Variants in SPATA16 observed in about 807,000 individuals in gnomAD.
SPATA16 encodes the protein spermatogenesis associated 16.
In SPATA16, 36 loss-of-function variants were observed where a neutral mutation model predicts 63.3. That is an observed-to-expected ratio of 0.57 (90% CI 0.44 to 0.75). The LOEUF is 0.75. Among genes scored for constraint, SPATA16 ranks in the 30% least tolerant of loss-of-function variants. SPATA16 has a pLI of 0.00. For synonymous variants in SPATA16, 203 were observed against 216.7 expected (o/e 0.94, Z 0.56); for missense variants, 646 against 679.3 (o/e 0.95, Z 0.54).
In SPATA16 at chr3:172,963,476, A is replaced by T. The variant is rs1577109131; in HGVS notation, c.934-6652T>A. Among the ~76,000 whole-genome samples, 4 of 151,972 alleles carry T rather than the reference A, an allele frequency of 2.6e-5. No individual in the cohort carries two copies. The South Asian group carries it at 8.3e-4, about 32-fold the overall frequency. On this transcript the variant is annotated intron_variant, in intron 5 of 10. Coordinates refer to ENST00000351008, the MANE Select transcript of SPATA16 (RefSeq NM_031955.6). ...ATATAATATTAAATTTAAAGTATTT[A>T]ATTTAGTTTTGTAGTGTGTTACTGC...
chr3:172,947,476 G>GAAACACCTCTCCAT (rs1174773296), intron 6 of SPATA16, among the ~76,000 whole-genome samples: 2 of 152,194 alleles, frequency 1.3e-5, no homozygotes, highest in East Asian at 3.9e-4. Context: ...TACCTTTCCA[G>GAAACACCTCTCCAT]AAACACCTCT....
intron 4 of SPATA16, among the ~76,000 whole-genome samples, chr3:173,016,140 G>A (rs1184386962): frequency 6.6e-6 from 1 of 152,108 alleles, no homozygotes; most frequent in Non-Finnish European, 1.5e-5. Context: ...AATGTGACTA[G>A]CATCCCTGCA....
At chr3:173,009,033 T>C (rs1735001618) in intron 4 of SPATA16, among the ~76,000 whole-genome samples, 1 of 152,200 alleles carries the variant, frequency 6.6e-6, no homozygotes, top group Non-Finnish European at 1.5e-5. Flanking sequence ...GTAAATTGAT[T>C]CTACTGAACT....
At chr3:172,944,143 G>A (rs9290456) in intron 6 of SPATA16, among the ~76,000 whole-genome samples, 13,334 of 152,056 alleles carry the variant, frequency 0.088, 1,950 homozygotes, top group African/African-American at 0.3. Context: ...AATACATAAA[G>A]AACCCCTACA....
At chr3:172,940,427 T>C (rs1733118409) in intron 6 of SPATA16, among the ~76,000 whole-genome samples, 1 of 152,170 alleles carries the variant, frequency 6.6e-6, no homozygotes, top group Admixed American at 6.5e-5. Flanking sequence ...TTTGAGAAAA[T>C]ATCCCAGAGA....
rs561259525 is a variant in SPATA16, at chr3:173,051,170, A to G, written c.613-2076T>C. ...ATGTAGTTTTATTTATCCATATCTTATATTAACATTCCAGATCTTCTCAAT... is the reference window on the plus strand; with the variant it reads ...ATGTAGTTTTATTTATCCATATCTTGTATTAACATTCCAGATCTTCTCAAT... On this transcript the variant is annotated intron_variant, in intron 2 of 10. Coordinates refer to ENST00000351008, the MANE Select transcript of SPATA16 (RefSeq NM_031955.6). 2.0e-5 allele frequency among the ~76,000 whole-genome samples: 3 copies of G among 152,280 alleles called. No individual in the cohort carries two copies. In the South Asian group the frequency reaches 6.2e-4, roughly 32 times the overall value.
At chr3:172,972,847 G>T (rs1229510700) in intron 5 of SPATA16, among the ~76,000 whole-genome samples, 1 of 152,118 alleles carries the variant, frequency 6.6e-6, no homozygotes, top group Non-Finnish European at 1.5e-5. Flanking sequence ...TTTTTGTTCA[G>T]ACAGCCTTAA....
chr3:173,069,134 A>G (rs1560113076), intron 2 of SPATA16, among the ~76,000 whole-genome samples: 2 of 151,622 alleles, frequency 1.3e-5, no homozygotes, highest in African/African-American at 2.4e-5. Flanking sequence ...AAAGAAAGAA[A>G]GAAATACAGT....
In SPATA16 at chr3:172,977,113, C is replaced by T. The variant is rs150581488; in HGVS notation, c.849-61G>A. The T allele has an allele frequency of 5.1e-4, 674 of 1,318,360 alleles. 5 individuals are homozygous for T. The East Asian group carries it at 0.014, about 28-fold the overall frequency. 81.7% of individuals were successfully genotyped at this position (1,318,360 alleles called of 1,614,324 possible). A position where few individuals can be genotyped will look rare whatever the true frequency, so the allele number is the denominator to read the frequency against. ...CAAATGTATAGGACAGAAGGAAAAC[C>T]ATAACAGGCACTATATACAAATACT... On this transcript the variant is annotated intron_variant, in intron 4 of 10. Transcript: ENST00000351008.
At chr3:172,972,869 A>G (rs1283298083) in intron 5 of SPATA16, among the ~76,000 whole-genome samples, 2 of 152,182 alleles carry the variant, frequency 1.3e-5, no homozygotes, top group Admixed American at 1.3e-4. Flanking sequence ...ATGGAAACAA[A>G]TTGCCGACAT....
At chr3:173,000,044 C>T (rs1393110352) in intron 4 of SPATA16, among the ~76,000 whole-genome samples, 1 of 152,122 alleles carries the variant, frequency 6.6e-6, no homozygotes, top group East Asian at 1.9e-4. Context: ...GAAACTTAGT[C>T]ATCAATGTAA....
At position 173,081,537 on chromosome 3, in the gene SPATA16, T is replaced by A. The variant is rs148133281; in HGVS notation, c.613-32443A>T. ...CCATTGAATCGTTAAAGAGGAGAGT[T>A]TGTGATAAATGAATGTGTATTTTAA... On this transcript the variant is annotated intron_variant, in intron 2 of 10. Coordinates refer to ENST00000351008, the MANE Select transcript of SPATA16 (RefSeq NM_031955.6). Among the ~76,000 whole-genome samples the A allele has an allele frequency of 7.6e-4, 115 of 152,122 alleles. 1 individual carries two copies. Among genetic ancestry groups the A allele is most frequent in the African/African-American group, 2.7e-3 (110 of 41,486 alleles).
At chr3:173,077,752 T>A (rs539095128) in intron 2 of SPATA16, among the ~76,000 whole-genome samples, 22 of 152,302 alleles carry the variant, frequency 1.4e-4, no homozygotes, top group African/African-American at 4.3e-4. Flanking sequence ...TGTTTTCCAT[T>A]TCTGAAAGAA....
intron 2 of SPATA16, among the ~76,000 whole-genome samples, chr3:173,053,557 A>G (rs1047198826): frequency 6.6e-6 from 1 of 152,206 alleles, no homozygotes; most frequent in African/African-American, 2.4e-5. Context: ...CATAAACCAC[A>G]TTAGTTGCAG....
At chr3:173,057,796 A>T (rs945599355) in intron 2 of SPATA16, among the ~76,000 whole-genome samples, 1 of 152,190 alleles carries the variant, frequency 6.6e-6, no homozygotes, top group Non-Finnish European at 1.5e-5. Flanking sequence ...AAAACATTAC[A>T]TCTATTAAAT....
chr3:172,909,852 T>C (rs1484138557), intron 10 of SPATA16, among the ~76,000 whole-genome samples: 2 of 152,130 alleles, frequency 1.3e-5, no homozygotes, highest in Non-Finnish European at 2.9e-5. Context: ...AAATCCATCA[T>C]AGGATGTGCT....
At position 173,104,797 on chromosome 3, in the gene SPATA16, A is replaced by T. The variant is rs576360742; in HGVS notation, c.612+12323T>A. ...TCTTAGAGATTTCACCCTGTCAATC[A>T]TATTTTTCTTGACTTATTCCCTCTC... is the stretch of plus-strand genomic sequence containing the variant. On this transcript the variant is annotated intron_variant, in intron 2 of 10. Coordinates refer to ENST00000351008, the MANE Select transcript of SPATA16 (RefSeq NM_031955.6). Among the ~76,000 whole-genome samples, 8 of 152,310 alleles carry T rather than the reference A, an allele frequency of 5.3e-5. No homozygotes were observed. The South Asian group carries it at 1.7e-3, about 32-fold the overall frequency.
At chr3:172,895,904 T>G (rs1050137972) in intron 10 of SPATA16, among the ~76,000 whole-genome samples, 32 of 149,954 alleles carry the variant, frequency 2.1e-4, no homozygotes, top group African/African-American at 7.7e-4. Context: ...TGTATACAGG[T>G]CTTTGTTTGA....
At chr3:173,021,269 T>C (rs1460741158) in intron 3 of SPATA16, among the ~76,000 whole-genome samples, 2 of 152,216 alleles carry the variant, frequency 1.3e-5, no homozygotes, top group Non-Finnish European at 2.9e-5. Flanking sequence ...GTTAAAGAGC[T>C]GTCTAAAGTT....
Sources: gnomAD v4.1 joint callset for allele counts (sites outside exome capture counted in the v4.1 genomes callset) on GRCh38, gnomAD v4.1.1 for gene constraint, MANE v1.5 for transcripts, NCBI Gene and HGNC (gene_info 2026-07-23, HGNC 2026-07-21) for gene names.